Variants in CCDC88A observed in about 807,000 individuals in gnomAD.
CCDC88A encodes the protein coiled-coil and HOOK domain protein 88A.
Under a neutral mutation model 234.3 loss-of-function variants are expected in CCDC88A, and 54 were observed. That is an observed-to-expected ratio of 0.23 (90% CI 0.19 to 0.29). CCDC88A has a LOEUF of 0.29. Ranked by LOEUF, CCDC88A falls within the 10% of genes least tolerant of loss-of-function variation. The pLI, the probability that CCDC88A is intolerant of heterozygous loss-of-function variation, is 1.00. For missense variants in CCDC88A, 1,832 were observed against 2,123.4 expected (o/e 0.86, Z 2.70); for synonymous variants, 753 against 737.8 (o/e 1.02, Z -0.33).
Position 55,333,223 on chromosome 2 carries a change from C to T in CCDC88A, c.2728-530G>A, listed in dbSNP as rs1685131817. ...AATGCTTCTTTAGCAGAAATGCAGACTGCCCAATGTGACCTTCTGCCAGAA... is the reference window on the plus strand; with the variant it reads ...AATGCTTCTTTAGCAGAAATGCAGATTGCCCAATGTGACCTTCTGCCAGAA... On this transcript the variant is annotated intron_variant, in intron 15 of 32. Transcript: ENST00000436346. 2.0e-5 allele frequency among the ~76,000 whole-genome samples: 3 copies of T among 152,298 alleles called. No homozygotes were observed. In the South Asian group the frequency reaches 6.2e-4, roughly 32 times the overall value.
At chr2:55,304,130 G>A (rs775133011) in intron 25 of CCDC88A, among the ~76,000 whole-genome samples, 9 of 150,168 alleles carry the variant, frequency 6.0e-5, no homozygotes, top group Middle Eastern at 6.8e-3. Flanking sequence ...GCAACAGAGC[G>A]AGAACCCATC....
chr2:55,402,611 G>A (rs1488356437), intron 2 of CCDC88A, among the ~76,000 whole-genome samples: 1 of 151,532 alleles, frequency 6.6e-6, no homozygotes, highest in Non-Finnish European at 1.5e-5. Flanking sequence ...TTTTAACTAT[G>A]TATGCATAAC....
intron 2 of CCDC88A, among the ~76,000 whole-genome samples, chr2:55,395,658 A>T (rs1677406515): frequency 6.6e-6 from 1 of 152,250 alleles, no homozygotes; most frequent in Non-Finnish European, 1.5e-5. Flanking sequence ...TTACGAGCTG[A>T]CAACCTCCAA....
chr2:55,348,230 G>A (rs1669421114), intron 9 of CCDC88A, among the ~76,000 whole-genome samples: 1 of 151,958 alleles, frequency 6.6e-6, no homozygotes, highest in African/African-American at 2.4e-5. Flanking sequence ...CTCCCAAAGT[G>A]CTAGGATTAT....
intron 30 of CCDC88A, 28 bp downstream of exon 30, chr2:55,296,230 A>C (rs765817487): frequency 6.3e-7 from 1 of 1,597,102 alleles, no homozygotes; most frequent in Admixed American, 1.8e-5. Context: ...TGTTCATCTA[A>C]ATTAAGGTCA....
At chr2:55,376,918 G>A (rs532733272) in intron 3 of CCDC88A, among the ~76,000 whole-genome samples, 2 of 151,996 alleles carry the variant, frequency 1.3e-5, no homozygotes, top group East Asian at 1.9e-4. Flanking sequence ...TGCAACCTCC[G>A]CCTCCCTGGT....
intron 2 of CCDC88A, among the ~76,000 whole-genome samples, chr2:55,397,952 A>C (rs1416187168): frequency 1.3e-5 from 2 of 152,150 alleles, no homozygotes; most frequent in Admixed American, 1.3e-4. Context: ...TGGGTATAAA[A>C]GGAAGGAATT....
At chr2:55,415,339 T>C (rs1304517786) in intron 2 of CCDC88A, among the ~76,000 whole-genome samples, 1 of 152,044 alleles carries the variant, frequency 6.6e-6, no homozygotes, top group South Asian at 2.1e-4. Context: ...AACATATTTC[T>C]ACTGGTGGCC....
chr2:55,299,896 T>TATC lies in CCDC88A; in HGVS notation c.4765_4767dup (p.Asp1589dup). ...CTATTGCTAGTGGATGTTCTGCCAC[T>TATC]ATCAAGGCTGGCTGGTCTTGAAGCT... On this transcript the variant is annotated inframe_insertion, in exon 29 of 33. Coordinates refer to ENST00000436346, the MANE Select transcript of CCDC88A (RefSeq NM_001365480.1). 1 of 1,613,666 alleles carries TATC rather than the reference T, an allele frequency of 6.2e-7. No homozygotes were observed. The highest frequency in any genetic ancestry group is 2.2e-5 in the East Asian group (1 of 44,838).
intron 9 of CCDC88A, chr2:55,349,119 A>T (rs1270917860): frequency 6.4e-6 from 1 of 157,060 alleles, no homozygotes; most frequent in Non-Finnish European, 1.4e-5. Context: ...GAAAAGTGAA[A>T]AAAATCAAAA....
chr2:55,357,194 T>C lies in CCDC88A; in HGVS notation c.628-1443A>G, dbSNP rs890800317. ...TCTCCATAATCACACAACTAGCTAA[T>C]ACACCATGACTCCAGGCCAGTCTAA... On this transcript the variant is annotated intron_variant, in intron 7 of 32. Coordinates refer to ENST00000436346, the MANE Select transcript of CCDC88A (RefSeq NM_001365480.1). Among the ~76,000 whole-genome samples the C allele has an allele frequency of 2.0e-5, 3 of 152,190 alleles. No homozygotes were observed. The East Asian group carries it at 5.8e-4, about 29-fold the overall frequency.
intron 2 of CCDC88A, among the ~76,000 whole-genome samples, chr2:55,415,661 T>C (rs1681243743): frequency 6.6e-6 from 1 of 152,042 alleles, no homozygotes; most frequent in Admixed American, 6.6e-5. Flanking sequence ...GTGAGAAAGA[T>C]CTGCAGAGGG....
intron 3 of CCDC88A, among the ~76,000 whole-genome samples, chr2:55,379,336 A>G (rs1674207357): frequency 6.6e-6 from 1 of 152,232 alleles, no homozygotes; most frequent in African/African-American, 2.4e-5. Flanking sequence ...GCATGTATAT[A>G]AACTAATGAA....
At chr2:55,368,553 G>A (rs1672353681) in intron 5 of CCDC88A, among the ~76,000 whole-genome samples, 1 of 151,292 alleles carries the variant, frequency 6.6e-6, no homozygotes, top group South Asian at 2.1e-4. Flanking sequence ...CAAACTCCTG[G>A]CCTCAAGCAA....
intron 2 of CCDC88A, chr2:55,406,084 G>C (rs1574494693): frequency 6.6e-6 from 1 of 151,876 alleles, no homozygotes; most frequent in African/African-American, 2.4e-5. Context: ...CTTGAATCCG[G>C]GAGGTGGAGG....
intron 31 of CCDC88A, 85 bp from the exon 32 acceptor site, chr2:55,291,860 T>C (rs993928818): frequency 4.0e-6 from 4 of 992,260 alleles, no homozygotes; most frequent in Admixed American, 1.9e-5. Context: ...TCTCACTGAG[T>C]AGGGCAAGGA....
intron 22 of CCDC88A, chr2:55,314,735 C>T (rs1682775424): frequency 6.6e-6 from 1 of 152,140 alleles, no homozygotes; most frequent in South Asian, 2.1e-4. Context: ...ATATAGAGCT[C>T]AATGAATTAT....
intron 12 of CCDC88A, among the ~76,000 whole-genome samples, chr2:55,341,977 T>C (rs1366273021): frequency 6.6e-6 from 1 of 152,164 alleles, no homozygotes; most frequent in African/African-American, 2.4e-5. Flanking sequence ...TTCTAATTTT[T>C]TGAGGAACCT....
intron 2 of CCDC88A, among the ~76,000 whole-genome samples, chr2:55,401,329 G>A (rs886801702): frequency 1.3e-5 from 2 of 149,844 alleles, no homozygotes; most frequent in Non-Finnish European, 3.0e-5. Flanking sequence ...AGCTACGCAG[G>A]AGGCTAAGAC....
Sources: allele counts gnomAD v4.1 joint callset (sites outside exome capture counted in the v4.1 genomes callset), GRCh38; gene constraint gnomAD v4.1.1; transcripts MANE v1.5; gene names NCBI Gene and HGNC (gene_info 2026-07-23, HGNC 2026-07-21).